Variants in EAF1 observed in about 807,000 individuals in gnomAD.
The protein encoded by EAF1 is ELL-associated factor 1.
Under a neutral mutation model 26.6 loss-of-function variants are expected in EAF1, and 19 were observed. The observed-to-expected ratio is 0.71, with a 90% CI of 0.50 to 1.05. EAF1 has a LOEUF of 1.05. Among genes scored for constraint, EAF1 ranks in the 50% least tolerant of loss-of-function variants. EAF1 has a pLI of 0.00. For missense variants in EAF1, 260 were observed against 335.5 expected, an observed-to-expected ratio of 0.78 and a Z score of 1.76; for synonymous variants, 102 against 120.6, an observed-to-expected ratio of 0.85 and a Z score of 1.01.
chr3:15,428,279 G>A (rs2061770198), intron 1 of EAF1, among the ~76,000 whole-genome samples: 1 of 151,010 alleles, frequency 6.6e-6, no homozygotes, highest in South Asian at 2.1e-4. Flanking sequence ...TCCCATCAGG[G>A]TTCTCCACAT....
At position 15,436,528 on chromosome 3, in the gene EAF1, A is replaced by G. The variant is rs759044498; in HGVS notation, c.713A>G (p.Asn238Ser). 1.6e-5 allele frequency: 25 copies of G among 1,593,522 alleles called. No homozygotes were observed. The highest frequency in any genetic ancestry group is 2.7e-5 in the African/African-American group (2 of 74,592). The change falls in exon 5 of 6, where the codon AAT (asparagine) becomes AGT (serine). Residue 238 changes from asparagine to serine, a missense_variant. Physicochemically the swap from Asn to Ser is conservative, Grantham distance 46. Coordinates refer to ENST00000396842, the MANE Select transcript of EAF1 (RefSeq NM_033083.7). Reference sequence around the variant, plus strand: ...TACAACAGTAGGCCTGCCGTTGCCAATGGAACCAGCCGGCCACAAGGAAGC... The same window carrying G: ...TACAACAGTAGGCCTGCCGTTGCCAGTGGAACCAGCCGGCCACAAGGAAGC... The part of the protein sequence containing the change: ...QPYNSRPAVA[N>S]GTSRPQGSNQ...
chr3:15,428,748 G>A (rs1180785880), intron 1 of EAF1, among the ~76,000 whole-genome samples: 1 of 152,214 alleles, frequency 6.6e-6, no homozygotes, highest in Non-Finnish European at 1.5e-5. Flanking sequence ...GGCTGACAGA[G>A]CATCCCTCCG....
intron 4 of EAF1, among the ~76,000 whole-genome samples, chr3:15,435,696 A>C (rs1365159106): frequency 6.6e-6 from 1 of 152,242 alleles, no homozygotes; most frequent in Non-Finnish European, 1.5e-5. Context: ...AGTACCTGAC[A>C]GGCATGGCTG....
chr3:15,429,652 T>C (rs1199929585), intron 1 of EAF1, among the ~76,000 whole-genome samples: 1 of 152,204 alleles, frequency 6.6e-6, no homozygotes, highest in Non-Finnish European at 1.5e-5. Flanking sequence ...AGGAAAAGTA[T>C]GTGGAGGTGT....
At chr3:15,428,395 C>G (rs966650165) in intron 1 of EAF1, among the ~76,000 whole-genome samples, 6 of 152,164 alleles carry the variant, frequency 3.9e-5, no homozygotes, top group African/African-American at 1.4e-4. Context: ...AAATACTGTG[C>G]TTTGTCCCCT....
chr3:15,436,988 C>T lies in EAF1; in HGVS notation c.760+413C>T, dbSNP rs184856875. ...TCGGCTTACTGCAACCTCCACCTCTCGGGTTCAAGCGATTCTCCTGCTTCA... is the reference window on the plus strand; with the variant it reads ...TCGGCTTACTGCAACCTCCACCTCTTGGGTTCAAGCGATTCTCCTGCTTCA... On this transcript the variant is annotated intron_variant, in intron 5 of 5. Coordinates refer to ENST00000396842, the MANE Select transcript of EAF1 (RefSeq NM_033083.7). Among the ~76,000 whole-genome samples, 70 of 152,138 alleles carry T rather than the reference C, an allele frequency of 4.6e-4. 2 individuals carry two copies. The East Asian group carries it at 9.3e-3, about 20-fold the overall frequency.
At position 15,434,376 on chromosome 3, in the gene EAF1, C is replaced by T. The variant is rs1209001650; in HGVS notation, c.364C>T (p.Arg122Ter). The T allele has an allele frequency of 2.2e-5, 36 of 1,614,028 alleles. No homozygotes were observed. Among genetic ancestry groups the T allele is most frequent in the Non-Finnish European group, 2.7e-5 (32 of 1,180,022 alleles). Residue 122 changes from arginine to a stop codon, truncating the protein, a stop_gained, in exon 4 of 6, where the codon CGA becomes TGA. Coordinates refer to ENST00000396842, the MANE Select transcript of EAF1 (RefSeq NM_033083.7). LOFTEE classifies it high-confidence loss of function. ...TGAGGGCAGCAGTAAAATCCAGGCC[C>T]GAATGGAACAGCAGCCCACTCGTCC... The part of the protein sequence containing the change: ...RAEGSSKIQA[R>*]MEQQPTRPPQ...
intron 5 of EAF1, among the ~76,000 whole-genome samples, chr3:15,436,862 T>C (rs2061839050): frequency 6.6e-6 from 1 of 152,196 alleles, no homozygotes; most frequent in Non-Finnish European, 1.5e-5. Flanking sequence ...TACCAGACTT[T>C]CGGGGAGCTA....
chr3:15,435,733 G>A (rs2061830703), intron 4 of EAF1, among the ~76,000 whole-genome samples: 1 of 152,140 alleles, frequency 6.6e-6, no homozygotes, highest in Non-Finnish European at 1.5e-5. Context: ...AGAGTGAAGA[G>A]GAAGAATATT....
At chr3:15,437,981 A>G (rs1435863965) in intron 5 of EAF1, among the ~76,000 whole-genome samples, 1 of 152,120 alleles carries the variant, frequency 6.6e-6, no homozygotes, top group Admixed American at 6.5e-5. Context: ...ATATCTCAAG[A>G]CATTGCCATT....
At chr3:15,427,970 A>G (rs984556557) in intron 1 of EAF1, 88 bp downstream of exon 1, 9 of 1,111,104 alleles carry the variant, frequency 8.1e-6, no homozygotes, top group Non-Finnish European at 1.1e-5. Flanking sequence ...TCGGCCCTTC[A>G]GATTCCAGGG....
chr3:15,428,999 T>A (rs763519302), intron 1 of EAF1, among the ~76,000 whole-genome samples: 3 of 152,172 alleles, frequency 2.0e-5, no homozygotes, highest in Non-Finnish European at 2.9e-5. Context: ...GTTTACTAAG[T>A]TGATGTTTTC....
intron 5 of EAF1, 141 bp from the exon 6 acceptor site, chr3:15,438,968 T>G: frequency 1.3e-6 from 1 of 761,494 alleles, no homozygotes; most frequent in Non-Finnish European, 2.1e-6. Context: ...CCAATTTGAT[T>G]TTCTTCCCTA....
chr3:15,428,758 G>A (rs1257842927), intron 1 of EAF1, among the ~76,000 whole-genome samples: 3 of 152,344 alleles, frequency 2.0e-5, no homozygotes, highest in Non-Finnish European at 4.4e-5. Context: ...GCATCCCTCC[G>A]TGATTCATGA....
chr3:15,427,986 C>T, intron 1 of EAF1, 104 bp downstream of exon 1: 1 of 915,610 alleles, frequency 1.1e-6, no homozygotes, highest in Non-Finnish European at 1.6e-6. Context: ...CAGGGAACCC[C>T]CTGCCAGCGT....
chr3:15,428,289 T>C (rs1310033720), intron 1 of EAF1, among the ~76,000 whole-genome samples: 1 of 150,862 alleles, frequency 6.6e-6, no homozygotes, highest in African/African-American at 2.4e-5. Flanking sequence ...GTTCTCCACA[T>C]TTAAAAGACG....
intron 1 of EAF1, among the ~76,000 whole-genome samples, chr3:15,429,648 A>C (rs2061791036): frequency 1.3e-5 from 2 of 152,178 alleles, no homozygotes; most frequent in African/African-American, 4.8e-5. Flanking sequence ...TCAGAGGAAA[A>C]GTATGTGGAG....
At position 15,436,186 on chromosome 3, in the gene EAF1, T is replaced by A. The variant is rs549965906; in HGVS notation, c.527-156T>A. On this transcript the variant is annotated intron_variant, in intron 4 of 5. Transcript: ENST00000396842. ...CAGGCTGTGTTTTTGTTTTGGTAAT[T>A]TTGTTTGTACATTTTTTAAGGTATT... 61 of 504,394 alleles carry A rather than the reference T, an allele frequency of 1.2e-4. No individual in the cohort carries two copies. In the East Asian group the frequency reaches 1.8e-3, roughly 15 times the overall value. The allele number at this position is 504,394 out of a possible 1,614,324, so 31.2% of individuals were successfully genotyped here.
chr3:15,438,460 C>T (rs1422595276), intron 5 of EAF1, among the ~76,000 whole-genome samples: 2 of 150,648 alleles, frequency 1.3e-5, no homozygotes, highest in East Asian at 3.9e-4. Context: ...TATAAAGCAA[C>T]TTAATGTGAT....
Sources: allele counts gnomAD v4.1 joint callset (sites outside exome capture counted in the v4.1 genomes callset), GRCh38; gene constraint gnomAD v4.1.1; transcripts MANE v1.5; gene names NCBI Gene and HGNC (gene_info 2026-07-23, HGNC 2026-07-21).